The following GPM6A variants were observed in gnomAD, a reference collection of about 807,000 sequenced individuals.
The protein encoded by GPM6A is neuronal membrane glycoprotein M6-a.
A neutral mutation model predicts 32.1 loss-of-function variants in GPM6A; 7 were observed. The observed-to-expected ratio is 0.22, with a 90% CI of 0.12 to 0.41. The LOEUF (loss-of-function observed/expected upper bound fraction) is 0.41. GPM6A is among the 10% of genes least tolerant of loss of function. GPM6A has a pLI of 1.00. For missense variants in GPM6A, 235 were observed against 347.2 expected, an observed-to-expected ratio of 0.68 and a Z score of 2.57; for synonymous variants, 130 against 123.4, an observed-to-expected ratio of 1.05 and a Z score of -0.35.
chr4:175,680,729 T>G (rs1743636801), intron 2 of GPM6A, among the ~76,000 whole-genome samples: 1 of 152,194 alleles, frequency 6.6e-6, no homozygotes, highest in African/African-American at 2.4e-5. Context: ...AGGTAACCCA[T>G]TTCATTGGAT....
At chr4:175,702,800 A>C (rs1308961844) in intron 1 of GPM6A, among the ~76,000 whole-genome samples, 3 of 152,206 alleles carry the variant, frequency 2.0e-5, no homozygotes, top group Non-Finnish European at 4.4e-5. Flanking sequence ...CAGAGACTGG[A>C]AGAGACAATA....
intron 2 of GPM6A, among the ~76,000 whole-genome samples, chr4:175,691,790 TGAG>T (rs1342815242): frequency 1.3e-5 from 2 of 152,134 alleles, no homozygotes; most frequent in African/African-American, 4.8e-5. Context: ...GATATTGAGG[TGAG>T]GAGATTACCC....
intron 1 of GPM6A, among the ~76,000 whole-genome samples, chr4:175,836,807 G>A (rs1314285324): frequency 6.6e-6 from 1 of 152,090 alleles, no homozygotes; most frequent in Admixed American, 6.6e-5. Flanking sequence ...GGCTTTTATG[G>A]AACATGAGAT....
intron 1 of GPM6A, among the ~76,000 whole-genome samples, chr4:175,726,814 G>A (rs755986078): frequency 1.3e-5 from 2 of 152,120 alleles, no homozygotes; most frequent in African/African-American, 4.8e-5. Context: ...CAGCCAACAT[G>A]GTGAAACCCC....
At chr4:175,796,700 A>G (rs1198904941) in intron 1 of GPM6A, among the ~76,000 whole-genome samples, 1 of 152,188 alleles carries the variant, frequency 6.6e-6, no homozygotes, top group Non-Finnish European at 1.5e-5. Context: ...ATAATTTAGG[A>G]GTGATATTTA....
intron 1 of GPM6A, chr4:175,787,033 T>C (rs887997392): frequency 6.9e-6 from 2 of 287,782 alleles, no homozygotes; most frequent in Non-Finnish European, 1.3e-5. Flanking sequence ...GAATTTTCCT[T>C]TAGCCTATAA....
intron 1 of GPM6A, among the ~76,000 whole-genome samples, chr4:175,708,719 A>T (rs1385320066): frequency 6.6e-6 from 1 of 152,218 alleles, no homozygotes; most frequent in African/African-American, 2.4e-5. Flanking sequence ...GCCAAAATAG[A>T]TTGAGATAGA....
At chr4:175,660,577 A>G (rs889498675) in intron 3 of GPM6A, among the ~76,000 whole-genome samples, 1 of 152,182 alleles carries the variant, frequency 6.6e-6, no homozygotes, top group African/African-American at 2.4e-5. Context: ...GCTAAAAAAT[A>G]ACAAAAATAT....
At chr4:176,000,313 C>G (rs945223413) in intron 1 of GPM6A, among the ~76,000 whole-genome samples, 2 of 152,174 alleles carry the variant, frequency 1.3e-5, no homozygotes, top group African/African-American at 4.8e-5. Flanking sequence ...AGATTACAGA[C>G]AGGAAAGAGA....
intron 1 of GPM6A, among the ~76,000 whole-genome samples, chr4:175,984,300 C>A (rs1308231454): frequency 6.6e-6 from 1 of 152,010 alleles, no homozygotes; most frequent in African/African-American, 2.4e-5. Flanking sequence ...GTAGCTGGGA[C>A]TACAGGTGCG....
intron 1 of GPM6A, among the ~76,000 whole-genome samples, chr4:175,986,887 T>C (rs1044882908): frequency 1.3e-5 from 2 of 152,224 alleles, no homozygotes; most frequent in African/African-American, 2.4e-5. Flanking sequence ...TTACAATTCA[T>C]TGAATACCTC....
At chr4:175,768,843 C>G (rs1245966955) in intron 1 of GPM6A, among the ~76,000 whole-genome samples, 1 of 152,150 alleles carries the variant, frequency 6.6e-6, no homozygotes, top group African/African-American at 2.4e-5. Flanking sequence ...CATCTGTAAT[C>G]TCAGCAGTTT....
At chr4:175,868,569 C>T (rs1175686685) in intron 1 of GPM6A, among the ~76,000 whole-genome samples, 2 of 151,846 alleles carry the variant, frequency 1.3e-5, no homozygotes, top group Non-Finnish European at 2.9e-5. Context: ...TTGTATTTTC[C>T]TTAATTTGTT....
chr4:175,836,480 A>G (rs1457567315), intron 1 of GPM6A, among the ~76,000 whole-genome samples: 3 of 152,200 alleles, frequency 2.0e-5, no homozygotes, highest in Non-Finnish European at 4.4e-5. Context: ...TATGATACAT[A>G]GTGGTATGTT....
At chr4:175,988,217 T>C (rs142724303) in intron 1 of GPM6A, among the ~76,000 whole-genome samples, 33 of 152,324 alleles carry the variant, frequency 2.2e-4, no homozygotes, top group African/African-American at 7.7e-4. Context: ...TCTTTGTTAT[T>C]GCTGGCTATG....
chr4:175,694,645 C>T (rs1383083957), intron 2 of GPM6A, among the ~76,000 whole-genome samples: 1 of 151,928 alleles, frequency 6.6e-6, no homozygotes, highest in Non-Finnish European at 1.5e-5. Flanking sequence ...AAAAATGGAA[C>T]TTATATTTAA....
chr4:175,952,528 G>C (rs369938509), intron 1 of GPM6A, among the ~76,000 whole-genome samples: 2 of 152,170 alleles, frequency 1.3e-5, no homozygotes, highest in East Asian at 3.9e-4. Flanking sequence ...AAGGATTGTT[G>C]TAAGAAAAAA....
chr4:175,885,219 C>A (rs1737413474), intron 1 of GPM6A, among the ~76,000 whole-genome samples: 1 of 152,142 alleles, frequency 6.6e-6, no homozygotes, highest in East Asian at 1.9e-4. Context: ...CCAGAACTAC[C>A]TGTAACAAAA....
chr4:175,880,646 G>A (rs903925243), intron 1 of GPM6A, among the ~76,000 whole-genome samples: 9 of 152,150 alleles, frequency 5.9e-5, no homozygotes, highest in Middle Eastern at 6.3e-3. Context: ...TGTCTTTGAA[G>A]CAATTGTGAA....
Sources: gnomAD v4.1 joint callset for allele counts (sites outside exome capture counted in the v4.1 genomes callset) on GRCh38, gnomAD v4.1.1 for gene constraint, MANE v1.5 for transcripts, NCBI Gene and HGNC (gene_info 2026-07-23, HGNC 2026-07-21) for gene names.